Variants in FAM135B observed in about 807,000 individuals in gnomAD.
FAM135B encodes the protein protein FAM135B.
Under a neutral mutation model 127.7 loss-of-function variants are expected in FAM135B, and 43 were observed. The observed-to-expected ratio is 0.34, with a 90% CI of 0.26 to 0.43. FAM135B has a LOEUF of 0.43. FAM135B is among the 20% of genes least tolerant of loss of function. The pLI, the probability that FAM135B is intolerant of heterozygous loss-of-function variation, is 1.00. For synonymous variants in FAM135B, 670 were observed against 665.1 expected (o/e 1.01, Z -0.11); for missense variants, 1,558 against 1,725.6 (o/e 0.90, Z 1.72).
rs567038308 is a variant in FAM135B at position 138,172,585 on chromosome 8, T to C, written c.1104-4536A>G. On this transcript the variant is annotated intron_variant, in intron 11 of 19. Coordinates refer to ENST00000395297, the MANE Select transcript of FAM135B (RefSeq NM_015912.4). ...TTAATTTTCTTGCTTATCTGCAAAT[T>C]TATTTATTGTCTTCTCCGTCCAGTG... Among the ~76,000 whole-genome samples the C allele has an allele frequency of 3.3e-5, 5 of 152,372 alleles. No individual in the cohort carries two copies. The South Asian group carries it at 1.0e-3, about 32-fold the overall frequency.
At chr8:138,473,321 A>C (rs1814174172) in intron 1 of FAM135B, among the ~76,000 whole-genome samples, 2 of 152,072 alleles carry the variant, frequency 1.3e-5, no homozygotes, top group African/African-American at 4.8e-5. Context: ...GCATTCCCTT[A>C]CTTAAAAATC....
At chr8:138,404,956 C>A (rs1048918632) in intron 1 of FAM135B, among the ~76,000 whole-genome samples, 2 of 152,178 alleles carry the variant, frequency 1.3e-5, no homozygotes, top group East Asian at 3.9e-4. Flanking sequence ...TTCTTAATGG[C>A]AGCTAAAATT....
chr8:138,147,745 T>G (rs1817770913), intron 14 of FAM135B, among the ~76,000 whole-genome samples: 1 of 152,048 alleles, frequency 6.6e-6, no homozygotes, highest in Non-Finnish European at 1.5e-5. Context: ...CAGCTCTATC[T>G]TTATAACATT....
At chr8:138,420,929 G>A (rs1834463258) in intron 1 of FAM135B, among the ~76,000 whole-genome samples, 1 of 152,146 alleles carries the variant, frequency 6.6e-6, no homozygotes, top group Non-Finnish European at 1.5e-5. Flanking sequence ...CTTGAGCACT[G>A]GAACCACACA....
chr8:138,293,390 G>A (rs1825257961), intron 3 of FAM135B, among the ~76,000 whole-genome samples: 1 of 151,954 alleles, frequency 6.6e-6, no homozygotes, highest in African/African-American at 2.4e-5. Context: ...CAAAAACAAA[G>A]ATAAATAGAT....
At chr8:138,426,547 T>C (rs1029114182) in intron 1 of FAM135B, among the ~76,000 whole-genome samples, 3 of 151,084 alleles carry the variant, frequency 2.0e-5, no homozygotes, top group African/African-American at 4.8e-5. Flanking sequence ...AATGTGTATA[T>C]ATATACATTA....
At chr8:138,387,689 C>A (rs953803642) in intron 1 of FAM135B, among the ~76,000 whole-genome samples, 1 of 152,100 alleles carries the variant, frequency 6.6e-6, no homozygotes, top group African/African-American at 2.4e-5. Context: ...GCTGTTATTA[C>A]CCAATTCCAC....
At chr8:138,304,537 A>G (rs1025406074) in intron 3 of FAM135B, among the ~76,000 whole-genome samples, 3 of 152,206 alleles carry the variant, frequency 2.0e-5, no homozygotes, top group Non-Finnish European at 4.4e-5. Context: ...TGAAGGCTGC[A>G]TGCATTCTTT....
At chr8:138,280,359 G>A (rs996489) in intron 3 of FAM135B, among the ~76,000 whole-genome samples, 144,125 of 152,148 alleles carry the variant, frequency 0.95, 68,556 homozygotes, top group Non-Finnish European at 1. Context: ...TCAACTACCA[G>A]ATGGCCTGTT....
chr8:138,413,233 C>T (rs544206795), intron 1 of FAM135B, among the ~76,000 whole-genome samples: 20 of 152,226 alleles, frequency 1.3e-4, no homozygotes, highest in South Asian at 2.1e-4. Flanking sequence ...GTAACTCCTT[C>T]CACCCATTCC....
intron 13 of FAM135B, 139 bp downstream of exon 13, chr8:138,151,055 C>T (rs1818097718): frequency 2.2e-6 from 1 of 455,092 alleles, no homozygotes; most frequent in East Asian, 3.6e-5. Flanking sequence ...GATATATTAT[C>T]TATAATATGG....
At chr8:138,438,262 T>C (rs1835568978) in intron 1 of FAM135B, 1 of 152,184 alleles carries the variant, frequency 6.6e-6, no homozygotes, top group South Asian at 2.1e-4. Flanking sequence ...TCACACCTCT[T>C]ATCTAAGAGA....
At chr8:138,224,779 T>C (rs1819287116) in intron 7 of FAM135B, among the ~76,000 whole-genome samples, 1 of 152,072 alleles carries the variant, frequency 6.6e-6, no homozygotes, top group Non-Finnish European at 1.5e-5. Context: ...ATGAGGTTAA[T>C]ACCCTGAAGG....
rs1826396006 is a variant in FAM135B at position 138,308,078 on chromosome 8, C to A, written c.157+2763G>T. Among the ~76,000 whole-genome samples, 3 of 152,250 alleles carry A rather than the reference C, an allele frequency of 2.0e-5. No homozygotes were observed. In the South Asian group the frequency reaches 6.2e-4, roughly 32 times the overall value. On this transcript the variant is annotated intron_variant, in intron 3 of 19. Coordinates refer to ENST00000395297, the MANE Select transcript of FAM135B (RefSeq NM_015912.4). Reference sequence around the variant, plus strand: ...GGCTGGCCTTGTCACCTGCCCTGAACAATGAACTGTGGAGGAAGCAACCCT... The same window carrying A: ...GGCTGGCCTTGTCACCTGCCCTGAAAAATGAACTGTGGAGGAAGCAACCCT...
chr8:138,444,925 AAG>A (rs1331051265), intron 1 of FAM135B, among the ~76,000 whole-genome samples: 1 of 152,200 alleles, frequency 6.6e-6, no homozygotes, highest in Non-Finnish European at 1.5e-5. Context: ...TAAAGAAGAA[AAG>A]AGAGAAGAAT....
chr8:138,191,912 G>A (rs1394903844), intron 9 of FAM135B, among the ~76,000 whole-genome samples: 1 of 152,164 alleles, frequency 6.6e-6, no homozygotes, highest in Non-Finnish European at 1.5e-5. Context: ...CAGACCTCAT[G>A]GACTTCATCT....
chr8:138,191,988 G>C (rs1816172752), intron 9 of FAM135B, among the ~76,000 whole-genome samples: 1 of 152,208 alleles, frequency 6.6e-6, no homozygotes, highest in Non-Finnish European at 1.5e-5. Context: ...GCGTCACAGG[G>C]ACCAGCAGCC....
intron 3 of FAM135B, among the ~76,000 whole-genome samples, chr8:138,279,756 C>G (rs1824118635): frequency 6.6e-6 from 1 of 152,190 alleles, no homozygotes; most frequent in Admixed American, 6.5e-5. Flanking sequence ...ATCTTAGAGT[C>G]ACCTTATTGC....
chr8:138,257,083 C>A (rs1822152785), intron 4 of FAM135B, among the ~76,000 whole-genome samples: 1 of 152,108 alleles, frequency 6.6e-6, no homozygotes, highest in Non-Finnish European at 1.5e-5. Flanking sequence ...CCATCTGGGG[C>A]AAGAGTAAAG....
Sources: gnomAD v4.1 joint callset for allele counts (sites outside exome capture counted in the v4.1 genomes callset) on GRCh38, gnomAD v4.1.1 for gene constraint, MANE v1.5 for transcripts, NCBI Gene and HGNC (gene_info 2026-07-23, HGNC 2026-07-21) for gene names.